Variants in DUSP3 observed in about 807,000 individuals in gnomAD.
The protein encoded by DUSP3 is dual specificity protein phosphatase 3.
DUSP3 carries 7 observed loss-of-function variants against 15.5 expected under a neutral mutation model. The observed-to-expected ratio is 0.45, with a 90% CI of 0.26 to 0.85. DUSP3 has a LOEUF of 0.85. DUSP3 is among the 40% of genes least tolerant of loss of function. The pLI, the probability that DUSP3 is intolerant of heterozygous loss-of-function variation, is 0.18. For synonymous variants in DUSP3, 86 were observed against 104.2 expected (o/e 0.83, Z 1.07); for missense variants, 209 against 251.7 (o/e 0.83, Z 1.15).
At chr17:43,770,349 C>T (rs1470822686) in intron 2 of DUSP3, among the ~76,000 whole-genome samples, 2 of 152,188 alleles carry the variant, frequency 1.3e-5, no homozygotes, top group African/African-American at 4.8e-5. Context: ...CGGGCAAAAC[C>T]ATCTGTGCTG....
intron 2 of DUSP3, among the ~76,000 whole-genome samples, chr17:43,773,579 G>A (rs763982847): frequency 1.5e-3 from 229 of 152,184 alleles, no homozygotes; most frequent in Non-Finnish European, 3.0e-3. Context: ...TAAGCTGACC[G>A]CAGCTACCCC....
intron 2 of DUSP3, among the ~76,000 whole-genome samples, chr17:43,770,988 ATATGTGTG>A (rs1164670408): frequency 1.0e-3 from 58 of 55,692 alleles, no homozygotes; most frequent in Non-Finnish European, 1.7e-3. Context: ...GCGTGTATAT[ATATGTGTG>A]TGTGTGTGTG....
In DUSP3 at chr17:43,769,729, G is replaced by A. The variant is rs146645782; in HGVS notation, c.438C>T (p.Asp146=). ...TCACGATGCTCAGGGCAGACTTGACGTCCATCTTCTGCCGCATCATGAGGT... is the reference window on the plus strand; with the variant it reads ...TCACGATGCTCAGGGCAGACTTGACATCCATCTTCTGCCGCATCATGAGGT... ...IAYLMMRQKM[D]VKSALSIVRQ... The change falls in exon 3 of 3, where the codon GAC becomes GAT. Residue 146 remains aspartate (D), a synonymous_variant. Coordinates refer to ENST00000226004, the MANE Select transcript of DUSP3 (RefSeq NM_004090.4). 4.2e-5 allele frequency: 67 copies of A among 1,613,882 alleles called. 2 individuals are homozygous for A. Among genetic ancestry groups the A allele is most frequent in the African/African-American group, 2.9e-4 (22 of 74,906 alleles).
chr17:43,778,820 C>A lies in DUSP3; in HGVS notation c.105G>T (p.Pro35=). ...LPSQPCNEVT[P]RIYVGNASVA... is the part of the protein sequence containing the mutation. The stretch of plus-strand genomic sequence containing the variant: ...CTCACGCGTTGCCCACGTAGATCCG[C>A]GGGGTGACCTCGTTGCAGGGCTGGC... The change falls in exon 1 of 3, where the codon CCG becomes CCT. Residue 35 remains proline (P), a synonymous_variant. Coordinates refer to ENST00000226004, the MANE Select transcript of DUSP3 (RefSeq NM_004090.4). 2 of 1,538,062 alleles carry A rather than the reference C, an allele frequency of 1.3e-6. No individual in the cohort carries two copies. Among genetic ancestry groups the A allele is most frequent in the African/African-American group, 1.4e-5 (1 of 70,292 alleles).
Position 43,767,002 on chromosome 17 carries a change from T to A in DUSP3, c.*2607A>T, listed in dbSNP as rs1974249411. The A allele has an allele frequency of 6.6e-6, 1 of 152,536 alleles. No individual in the cohort carries two copies. Among genetic ancestry groups the A allele is most frequent in the Non-Finnish European group, 1.5e-5 (1 of 68,010 alleles). 9.4% of individuals were successfully genotyped at this position (152,536 alleles called of 1,614,324 possible). On this transcript the variant is annotated 3_prime_UTR_variant, in exon 3 of 3. Transcript: ENST00000226004. Reference sequence around the variant, plus strand: ...TGTGTTGGCTCTTACACAAGAGACTTTAATTTTACTTGAAGAACTAAGAGC... The same window carrying A: ...TGTGTTGGCTCTTACACAAGAGACTATAATTTTACTTGAAGAACTAAGAGC...
chr17:43,769,508 C>A lies in DUSP3; in HGVS notation c.*101G>T, dbSNP rs980095187. On this transcript the variant is annotated 3_prime_UTR_variant, in exon 3 of 3. Transcript: ENST00000226004. ...ACTTGTAGACAAGTGCCTTGTGATG[C>A]TGGGAGCAGGGTACAGTGTGTTTCC... is the stretch of plus-strand genomic sequence containing the variant. The A allele has an allele frequency of 1.5e-5, 21 of 1,359,842 alleles. No individual in the cohort carries two copies. The African/African-American group carries it at 2.9e-4, about 19-fold the overall frequency. The allele number at this position is 1,359,842 out of a possible 1,614,324, so 84.2% of individuals were successfully genotyped here.
At chr17:43,772,010 C>CAAAAA (rs1190299771) in intron 2 of DUSP3, among the ~76,000 whole-genome samples, 28 of 64,200 alleles carry the variant, frequency 4.4e-4, no homozygotes, top group Non-Finnish European at 9.0e-4. Flanking sequence ...GACTCCGTCT[C>CAAAAA]AAAAAAAAAA....
chr17:43,778,962 C>A lies in DUSP3; in HGVS notation c.-38G>T. On this transcript the variant is annotated 5_prime_UTR_variant, in exon 1 of 3. Coordinates refer to ENST00000226004, the MANE Select transcript of DUSP3 (RefSeq NM_004090.4). Reference sequence around the variant, plus strand: ...GCCCTGCACGCCCGGCAGGAGCAAGCGAGGCGGAGAGCGGCGGATCAGCTG... The same window carrying A: ...GCCCTGCACGCCCGGCAGGAGCAAGAGAGGCGGAGAGCGGCGGATCAGCTG... 1 of 1,341,236 alleles carries A rather than the reference C, an allele frequency of 7.5e-7. No homozygotes were observed. Among genetic ancestry groups the A allele is most frequent in the East Asian group, 3.2e-5 (1 of 31,250 alleles). The allele number at this position is 1,341,236 out of a possible 1,614,324, so 83.1% of individuals were successfully genotyped here.
At chr17:43,775,643 T>A (rs1171449961) in intron 1 of DUSP3, among the ~76,000 whole-genome samples, 8 of 152,274 alleles carry the variant, frequency 5.3e-5, no homozygotes, top group Middle Eastern at 3.4e-3. Flanking sequence ...AGGTGCTGAA[T>A]AAATAAGCGG....
intron 2 of DUSP3, among the ~76,000 whole-genome samples, chr17:43,770,734 G>A (rs1299151602): frequency 6.6e-6 from 1 of 151,520 alleles, no homozygotes; most frequent in African/African-American, 2.4e-5. Context: ...GAGACTGGGG[G>A]TGCTTTCCAG....
At position 43,766,607 on chromosome 17, in the gene DUSP3, G is replaced by T. The variant is rs1974244800; in HGVS notation, c.*3002C>A. ...CCATGGGTGGAAGGCAGCGCCACCT[G>T]CTGCCCATCATATTATGGCTCACAT... On this transcript the variant is annotated 3_prime_UTR_variant, in exon 3 of 3. Transcript: ENST00000226004. 1 of 151,946 alleles carries T rather than the reference G, an allele frequency of 6.6e-6. No homozygotes were observed. The highest frequency in any genetic ancestry group is 6.6e-5 in the Admixed American group (1 of 15,198). The allele number at this position is 151,946 out of a possible 1,614,324, so 9.4% of individuals were successfully genotyped here.
intron 2 of DUSP3, among the ~76,000 whole-genome samples, chr17:43,771,425 G>A (rs1177800305): frequency 6.6e-6 from 1 of 152,120 alleles, no homozygotes; most frequent in Non-Finnish European, 1.5e-5. Flanking sequence ...TTTTTCTAGA[G>A]AATCCTGACC....
rs192909394 is a variant in DUSP3, at chr17:43,768,721, C to G, written c.*888G>C. On this transcript the variant is annotated 3_prime_UTR_variant, in exon 3 of 3. Coordinates refer to ENST00000226004, the MANE Select transcript of DUSP3 (RefSeq NM_004090.4). ...GAGTGGCTTGGGCTTGCCAACACTACAATTCAGGACAAAACCCTTGTAATT... is the reference window on the plus strand; with the variant it reads ...GAGTGGCTTGGGCTTGCCAACACTAGAATTCAGGACAAAACCCTTGTAATT... 1 of 151,698 alleles carries G rather than the reference C, an allele frequency of 6.6e-6. No individual in the cohort carries two copies. Among genetic ancestry groups the G allele is most frequent in the East Asian group, 1.9e-4 (1 of 5,180 alleles). The allele number at this position is 151,698 out of a possible 1,614,324, so 9.4% of individuals were successfully genotyped here. A position where few individuals can be genotyped will look rare whatever the true frequency, so the allele number is the denominator to read the frequency against.
At position 43,773,960 on chromosome 17, in the gene DUSP3, G is replaced by A. The variant is rs143550412; in HGVS notation, c.352+752C>T. 1,266 of 179,798 alleles carry A rather than the reference G, an allele frequency of 7.0e-3. 8 individuals are homozygous for A. Among genetic ancestry groups the A allele is most frequent in the Middle Eastern group, 0.042 (15 of 356 alleles). 11.1% of individuals were successfully genotyped at this position (179,798 alleles called of 1,614,324 possible). ...ACTAAAAATACAAAATTAGCCAGGC[G>A]TGGGGGCGCATGCCTGTAATCCCAG... On this transcript the variant is annotated intron_variant, in intron 2 of 2. Coordinates refer to ENST00000226004, the MANE Select transcript of DUSP3 (RefSeq NM_004090.4).
In DUSP3 at chr17:43,769,728, C is replaced by T. The variant is rs762020568; in HGVS notation, c.439G>A (p.Val147Ile). The T allele has an allele frequency of 3.3e-5, 53 of 1,613,854 alleles. 1 individual carries two copies. The highest frequency in any genetic ancestry group is 2.3e-4 in the South Asian group (21 of 91,076). The part of the protein sequence containing the change: ...AYLMMRQKMD[V>I]KSALSIVRQN... The stretch of plus-strand genomic sequence containing the variant: ...CTCACGATGCTCAGGGCAGACTTGA[C>T]GTCCATCTTCTGCCGCATCATGAGG... The change falls in exon 3 of 3, where the codon GTC becomes ATC. Residue 147 changes from valine (V) to isoleucine (I), a missense_variant. Val to Ile is a conservative substitution (Grantham distance 29). Coordinates refer to ENST00000226004, the MANE Select transcript of DUSP3 (RefSeq NM_004090.4).
At position 43,767,684 on chromosome 17, in the gene DUSP3, G is replaced by A. The variant is rs1464462881; in HGVS notation, c.*1925C>T. On this transcript the variant is annotated 3_prime_UTR_variant, in exon 3 of 3. Coordinates refer to ENST00000226004, the MANE Select transcript of DUSP3 (RefSeq NM_004090.4). Reference sequence around the variant, plus strand: ...TAAGTTGGAAGGCTACCTAGAAGCTGTGCAGTGAGGTACCCAGTTTAGAGG... The same window carrying A: ...TAAGTTGGAAGGCTACCTAGAAGCTATGCAGTGAGGTACCCAGTTTAGAGG... The A allele has an allele frequency of 2.6e-5, 4 of 152,254 alleles. No individual in the cohort carries two copies. In the South Asian group the frequency reaches 6.2e-4, roughly 24 times the overall value. 9.4% of individuals were successfully genotyped at this position (152,254 alleles called of 1,614,324 possible). A position where few individuals can be genotyped will look rare whatever the true frequency, so the allele number is the denominator to read the frequency against.
At chr17:43,771,477 T>G (rs1974319438) in intron 2 of DUSP3, among the ~76,000 whole-genome samples, 1 of 152,084 alleles carries the variant, frequency 6.6e-6, no homozygotes, top group African/African-American at 2.4e-5. Flanking sequence ...AACCTCAAGG[T>G]GCCTCAGTTT....
chr17:43,772,795 C>T (rs6503476), intron 2 of DUSP3, among the ~76,000 whole-genome samples: 29,682 of 151,944 alleles, frequency 0.2, 3,024 homozygotes, highest in Non-Finnish European at 0.21. Flanking sequence ...AGAGAGGACA[C>T]CATGCCAAGG....
At chr17:43,771,238 A>T (rs1598300700) in intron 2 of DUSP3, among the ~76,000 whole-genome samples, 1 of 152,114 alleles carries the variant, frequency 6.6e-6, no homozygotes, top group South Asian at 2.1e-4. Flanking sequence ...CAATGTAAAC[A>T]TTTATTAGAT....
Sources: allele counts gnomAD v4.1 joint callset (sites outside exome capture counted in the v4.1 genomes callset), GRCh38; gene constraint gnomAD v4.1.1; transcripts MANE v1.5; gene names NCBI Gene and HGNC (gene_info 2026-07-23, HGNC 2026-07-21).